Variants in DLG2 observed in about 807,000 individuals in gnomAD.
DLG2 encodes the protein disks large homolog 2.
In DLG2, 45 loss-of-function variants were observed where a neutral mutation model predicts 132.5. That is an observed-to-expected ratio of 0.34 (90% CI 0.27 to 0.44). The LOEUF is 0.44. Among genes scored for constraint, DLG2 ranks in the 20% least tolerant of loss-of-function variants. The probability of loss-of-function intolerance (pLI) is 1.00; values close to 1 mark genes in which losing one functional copy is unlikely to be tolerated. For missense variants in DLG2, 1,045 were observed against 1,196.9 expected, an observed-to-expected ratio of 0.87 and a Z score of 1.87; for synonymous variants, 424 against 419.6, an observed-to-expected ratio of 1.01 and a Z score of -0.13.
intron 7 of DLG2, among the ~76,000 whole-genome samples, chr11:84,429,337 C>T (rs2098977002): frequency 6.6e-6 from 1 of 152,146 alleles, no homozygotes; most frequent in Non-Finnish European, 1.5e-5. Context: ...GGGGAGGAAT[C>T]TGCTTGCAGA....
At chr11:84,938,775 C>G (rs2049043001) in intron 6 of DLG2, among the ~76,000 whole-genome samples, 1 of 152,030 alleles carries the variant, frequency 6.6e-6, no homozygotes, top group Non-Finnish European at 1.5e-5. Context: ...ACTGTGAGTA[C>G]ACAGGAAATG....
intron 6 of DLG2, among the ~76,000 whole-genome samples, chr11:84,784,559 C>G (rs538668806): frequency 6.6e-6 from 1 of 152,064 alleles, no homozygotes; most frequent in East Asian, 1.9e-4. Flanking sequence ...ACCACTCCCT[C>G]AGATTATTTT....
intron 3 of DLG2, among the ~76,000 whole-genome samples, chr11:85,506,411 T>A (rs981407589): frequency 6.6e-6 from 1 of 152,232 alleles, no homozygotes; most frequent in Non-Finnish European, 1.5e-5. Context: ...TTCTGGTATG[T>A]TGTGTCTTTG....
intron 16 of DLG2, among the ~76,000 whole-genome samples, chr11:83,849,766 A>G (rs78074491): frequency 2.7e-5 from 1 of 37,592 alleles, no homozygotes; most frequent in Non-Finnish European, 7.0e-5. Flanking sequence ...TTTTTTTTTT[A>G]AAAAAAAAGC....
At chr11:84,303,482 AAC>A (rs2098179580) in intron 7 of DLG2, among the ~76,000 whole-genome samples, 1 of 152,216 alleles carries the variant, frequency 6.6e-6, no homozygotes, top group Admixed American at 6.5e-5. Context: ...TGTAGTCTAC[AAC>A]AGAGTATACA....
At chr11:84,002,688 C>G (rs981236491) in intron 11 of DLG2, among the ~76,000 whole-genome samples, 1 of 152,074 alleles carries the variant, frequency 6.6e-6, no homozygotes, top group African/African-American at 2.4e-5. Flanking sequence ...TCCTTGCCCA[C>G]AAAAACCATT....
intron 4 of DLG2, among the ~76,000 whole-genome samples, chr11:85,207,047 GA>G: frequency 2.0e-5 from 3 of 151,988 alleles, no homozygotes; most frequent in Non-Finnish European, 2.9e-5. Flanking sequence ...TTTCACTGTT[GA>G]GACAACTTGT....
chr11:83,818,037 G>T (rs1176684884), intron 17 of DLG2, among the ~76,000 whole-genome samples: 4 of 152,118 alleles, frequency 2.6e-5, no homozygotes, highest in African/African-American at 9.7e-5. Flanking sequence ...GAGCTGGAAG[G>T]GCCTTTAAAG....
chr11:83,878,026 G>C (rs1376222792), intron 15 of DLG2, among the ~76,000 whole-genome samples: 2 of 152,170 alleles, frequency 1.3e-5, no homozygotes, highest in Non-Finnish European at 2.9e-5. Context: ...ACCTCCTCAG[G>C]AAGAGAGGCC....
At chr11:83,650,639 C>G (rs747685648) in intron 18 of DLG2, among the ~76,000 whole-genome samples, 3 of 152,118 alleles carry the variant, frequency 2.0e-5, no homozygotes, top group African/African-American at 2.4e-5. Flanking sequence ...AAAAAAATTT[C>G]TTTTTCTTTA....
At chr11:84,250,944 T>C (rs144974450) in intron 8 of DLG2, among the ~76,000 whole-genome samples, 91 of 152,356 alleles carry the variant, frequency 6.0e-4, no homozygotes, top group African/African-American at 2.0e-3. Context: ...CTAGTGTCTA[T>C]GAGCAATTCA....
In DLG2 at chr11:83,964,691, T is replaced by C. The variant is rs117905044; in HGVS notation, c.1201+633A>G. On this transcript the variant is annotated intron_variant, in intron 13 of 27. Transcript: ENST00000376104. Reference sequence around the variant, plus strand: ...GACCTATTAAGAAGAGGAGAACATATGAGGCTTATGCAACAGTGGAAATTT... The same window carrying C: ...GACCTATTAAGAAGAGGAGAACATACGAGGCTTATGCAACAGTGGAAATTT... 4.6e-5 allele frequency among the ~76,000 whole-genome samples: 7 copies of C among 152,134 alleles called. No individual in the cohort carries two copies. In the South Asian group the frequency reaches 1.0e-3, roughly 22 times the overall value.
intron 6 of DLG2, among the ~76,000 whole-genome samples, chr11:84,761,433 G>A (rs1417414589): frequency 6.6e-6 from 1 of 152,144 alleles, no homozygotes; most frequent in Non-Finnish European, 1.5e-5. Flanking sequence ...GGGTGTGTCT[G>A]TGAGGGTGTT....
chr11:85,504,838 T>C (rs1343072228), intron 3 of DLG2, among the ~76,000 whole-genome samples: 1 of 152,208 alleles, frequency 6.6e-6, no homozygotes, highest in Non-Finnish European at 1.5e-5. Flanking sequence ...ATTCTTCCTA[T>C]CCATGAGCAT....
intron 6 of DLG2, among the ~76,000 whole-genome samples, chr11:84,762,882 G>A (rs2067835210): frequency 6.6e-6 from 1 of 152,032 alleles, no homozygotes; most frequent in South Asian, 2.1e-4. Context: ...TAATCCTATG[G>A]GAGGAGGCAG....
intron 21 of DLG2, among the ~76,000 whole-genome samples, chr11:83,505,136 C>A (rs943644020): frequency 6.6e-6 from 1 of 152,166 alleles, no homozygotes; most frequent in African/African-American, 2.4e-5. Flanking sequence ...ATACCCATAT[C>A]CAGAGTAAGT....
intron 6 of DLG2, among the ~76,000 whole-genome samples, chr11:84,578,258 T>C (rs998376822): frequency 1.3e-5 from 2 of 152,120 alleles, no homozygotes; most frequent in African/African-American, 4.8e-5. Context: ...ACTGGGGCAC[T>C]GCCTAGTGGA....
intron 17 of DLG2, among the ~76,000 whole-genome samples, chr11:83,822,613 GGAGAAACA>G (rs1234649994): frequency 1.3e-5 from 2 of 152,176 alleles, no homozygotes; most frequent in African/African-American, 4.8e-5. Flanking sequence ...TAAGGTGCAT[GGAGAAACA>G]GAGATTTTTC....
intron 6 of DLG2, among the ~76,000 whole-genome samples, chr11:84,730,028 G>C (rs2062970481): frequency 6.6e-6 from 1 of 151,946 alleles, no homozygotes; most frequent in Non-Finnish European, 1.5e-5. Flanking sequence ...TTTCAGCCTT[G>C]TTTCCATTTT....
Sources: gnomAD v4.1 joint callset for allele counts (sites outside exome capture counted in the v4.1 genomes callset) on GRCh38, gnomAD v4.1.1 for gene constraint, MANE v1.5 for transcripts, NCBI Gene and HGNC (gene_info 2026-07-23, HGNC 2026-07-21) for gene names.